Variants in DMD observed in about 807,000 individuals in gnomAD.
The protein encoded by DMD is mutant dystrophin.
DMD carries 63 observed loss-of-function variants against 330.1 expected under a neutral mutation model. The ratio of observed to expected loss-of-function variants is 0.19; its 90% confidence interval spans 0.16 to 0.24. DMD has a LOEUF of 0.24. Ranked by LOEUF, DMD falls within the 10% of genes least tolerant of loss-of-function variation. DMD has a pLI of 1.00. For synonymous variants in DMD, 1,223 were observed against 959.8 expected (o/e 1.27, Z -5.07); for missense variants, 3,344 against 2,684.1 (o/e 1.25, Z -5.43).
At chrX:32,780,749 C>T (rs2074638047) in intron 7 of DMD, among the ~76,000 whole-genome samples, 1 of 110,091 alleles carries the variant, frequency 9.1e-6, no homozygotes, top group African/African-American at 3.3e-5. Context: ...CTGGTCTTCA[C>T]ACATATTAAT....
intron 62 of DMD, among the ~76,000 whole-genome samples, chrX:31,269,574 G>C (rs1367218051): frequency 8.9e-6 from 1 of 111,966 alleles, no homozygotes; most frequent in South Asian, 3.7e-4. Context: ...AAGAGACATG[G>C]CTTCTTTTCC....
chrX:32,876,734 G>A (rs1286249404), intron 2 of DMD, among the ~76,000 whole-genome samples: 1 of 111,462 alleles, frequency 9.0e-6, no homozygotes, highest in African/African-American at 3.3e-5. Context: ...TGCACATAGT[G>A]AATGTTCCGT....
At chrX:33,318,826 CT>C (rs2053972849) in intron 1 of DMD, among the ~76,000 whole-genome samples, 1 of 110,898 alleles carries the variant, frequency 9.0e-6, no homozygotes, top group African/African-American at 3.3e-5. Context: ...CAGTGATTCT[CT>C]TCTTAACATG....
At position 31,951,187 on chromosome X, in the gene DMD, A is replaced by C. The variant is rs1044701287; in HGVS notation, c.6614+17152T>G. On this transcript the variant is annotated intron_variant, in intron 45 of 78. Transcript: ENST00000357033. ...TATATATATATATGTATATATATAT[A>C]TCTTAATAGATATCTTATACATATA... Among the ~76,000 whole-genome samples the C allele has an allele frequency of 5.3e-5, 5 of 94,862 alleles. No homozygotes were observed. The East Asian group carries it at 1.2e-3, about 23-fold the overall frequency. 82.4% of individuals were successfully genotyped at this position (94,862 alleles called of 115,157 possible).
At chrX:33,103,884 A>T (rs956432119) in intron 1 of DMD, among the ~76,000 whole-genome samples, 2 of 112,044 alleles carry the variant, frequency 1.8e-5, no homozygotes, top group African/African-American at 6.5e-5. Context: ...AGCAATCCCA[A>T]ATAAAAATAA....
chrX:32,576,386 G>T (rs192892014), intron 13 of DMD, among the ~76,000 whole-genome samples: 7,366 of 110,235 alleles, frequency 0.067, 253 homozygotes, highest in Middle Eastern at 0.1. Flanking sequence ...TGGCATATTT[G>T]AACTGCCACC....
chrX:32,217,467 A>G (rs935264006), intron 43 of DMD, among the ~76,000 whole-genome samples: 24 of 111,615 alleles, frequency 2.2e-4, no homozygotes, highest in African/African-American at 7.5e-4. Flanking sequence ...CTTTCAAAAT[A>G]TTTTTGGATA....
At chrX:31,936,585 T>C (rs1489287320) in intron 45 of DMD, among the ~76,000 whole-genome samples, 2 of 111,768 alleles carry the variant, frequency 1.8e-5, no homozygotes, top group East Asian at 5.6e-4. Context: ...TCTTTTCACA[T>C]TATCTGAAAC....
At chrX:32,594,315 T>A (rs970096611) in intron 13 of DMD, among the ~76,000 whole-genome samples, 2 of 111,412 alleles carry the variant, frequency 1.8e-5, no homozygotes, top group Non-Finnish European at 3.8e-5. Flanking sequence ...CTGGATGGCA[T>A]TTCAACAGAA....
chrX:31,881,240 A>C (rs1489006385), intron 47 of DMD, among the ~76,000 whole-genome samples: 1 of 111,237 alleles, frequency 9.0e-6, no homozygotes, highest in African/African-American at 3.3e-5. Flanking sequence ...ACTATAAGCT[A>C]AGGTTAACTT....
intron 7 of DMD, among the ~76,000 whole-genome samples, chrX:32,771,699 G>C (rs952340418): frequency 9.0e-6 from 1 of 111,363 alleles, no homozygotes; most frequent in African/African-American, 3.3e-5. Flanking sequence ...CAAAATATAC[G>C]AGTTTCTGTA....
At chrX:32,728,377 A>G (rs970702698) in intron 7 of DMD, among the ~76,000 whole-genome samples, 1 of 111,720 alleles carries the variant, frequency 9.0e-6, no homozygotes, top group Non-Finnish European at 1.9e-5. Flanking sequence ...AATGATCACC[A>G]TGTGAGGTCT....
At chrX:32,577,274 T>A (rs1328677104) in intron 13 of DMD, among the ~76,000 whole-genome samples, 1 of 111,901 alleles carries the variant, frequency 8.9e-6, no homozygotes, top group Non-Finnish European at 1.9e-5. Context: ...AAGAGACCAA[T>A]CCTTGCCAGT....
intron 44 of DMD, among the ~76,000 whole-genome samples, chrX:32,162,540 A>G (rs1449412130): frequency 9.3e-6 from 1 of 106,969 alleles, no homozygotes; most frequent in African/African-American, 3.4e-5. Flanking sequence ...CAGTTTTTGT[A>G]CTGCCTTCCC....
At chrX:31,639,105 G>T (rs1171675855) in intron 54 of DMD, among the ~76,000 whole-genome samples, 1 of 111,781 alleles carries the variant, frequency 8.9e-6, no homozygotes, top group Non-Finnish European at 1.9e-5. Context: ...TAGGTGCTCC[G>T]AAAATACTGC....
chrX:31,926,740 G>A (rs1362027511), intron 47 of DMD, among the ~76,000 whole-genome samples: 3 of 111,263 alleles, frequency 2.7e-5, no homozygotes, highest in Non-Finnish European at 3.8e-5. Context: ...GGCTCAATAC[G>A]CAGAATGCAG....
At chrX:31,122,154 A>AATG (rs2032716578) in intron 78 of DMD, among the ~76,000 whole-genome samples, 1 of 111,907 alleles carries the variant, frequency 8.9e-6, no homozygotes, top group Non-Finnish European at 1.9e-5. Flanking sequence ...GTATCAGCTT[A>AATG]ATGTTGGATC....
At chrX:32,763,872 G>A (rs2072636026) in intron 7 of DMD, among the ~76,000 whole-genome samples, 1 of 111,209 alleles carries the variant, frequency 9.0e-6, no homozygotes, top group Non-Finnish European at 1.9e-5. Context: ...AGTACTGTGT[G>A]CAAATAAAAA....
intron 60 of DMD, among the ~76,000 whole-genome samples, chrX:31,383,567 CTG>C (rs1402467338): frequency 8.9e-6 from 1 of 112,200 alleles, no homozygotes; most frequent in Non-Finnish European, 1.9e-5. Context: ...AAGCCTGGAA[CTG>C]TGGCCCAAAG....
Sources: allele counts gnomAD v4.1 joint callset (sites outside exome capture counted in the v4.1 genomes callset), GRCh38; gene constraint gnomAD v4.1.1; transcripts MANE v1.5; gene names NCBI Gene and HGNC (gene_info 2026-07-23, HGNC 2026-07-21).